The following ROCK2 variants were observed in gnomAD, a reference collection of about 807,000 sequenced individuals.
ROCK2 encodes the protein rho-associated protein kinase 2.
A neutral mutation model predicts 195.1 loss-of-function variants in ROCK2; 61 were observed. The observed-to-expected ratio is 0.31, with a 90% CI of 0.25 to 0.39. ROCK2 has a LOEUF of 0.39. Among genes scored for constraint, ROCK2 ranks in the 10% least tolerant of loss-of-function variants. The pLI, the probability that ROCK2 is intolerant of heterozygous loss-of-function variation, is 1.00. For synonymous variants in ROCK2, 504 were observed against 545.5 expected, an observed-to-expected ratio of 0.92 and a Z score of 1.06; for missense variants, 1,109 against 1,637.4, an observed-to-expected ratio of 0.68 and a Z score of 5.57.
intron 1 of ROCK2, among the ~76,000 whole-genome samples, chr2:11,339,204 ATTTAC>A (rs1323959305): frequency 1.3e-5 from 2 of 152,224 alleles, no homozygotes; most frequent in Non-Finnish European, 2.9e-5. Context: ...AATATCTCCA[ATTTAC>A]TTTAAGTGAA....
upstream of ROCK2, among the ~76,000 whole-genome samples, chr2:11,345,318 G>A (rs955227041): frequency 6.6e-6 from 1 of 152,182 alleles, no homozygotes; most frequent in African/African-American, 2.4e-5. Flanking sequence ...CTTTCCAGCC[G>A]CAGGCCTTCG....
At chr2:11,304,121 G>A (rs542828919) in intron 1 of ROCK2, among the ~76,000 whole-genome samples, 7 of 152,098 alleles carry the variant, frequency 4.6e-5, no homozygotes, top group South Asian at 2.1e-4. Context: ...CTTGTCTTGC[G>A]TCTTTAAATA....
chr2:11,241,844 G>A (rs562041184), intron 4 of ROCK2, among the ~76,000 whole-genome samples: 59 of 152,244 alleles, frequency 3.9e-4, no homozygotes, highest in African/African-American at 1.4e-3. Context: ...GTATAACACC[G>A]TCATCCTAAG....
intron 1 of ROCK2, among the ~76,000 whole-genome samples, chr2:11,332,458 C>T (rs905554989): frequency 7.9e-5 from 12 of 152,078 alleles, no homozygotes; most frequent in African/African-American, 2.4e-4. Flanking sequence ...TATAATGATC[C>T]AAATTAGGCC....
chr2:11,285,764 C>G (rs944232053), intron 3 of ROCK2, among the ~76,000 whole-genome samples: 1 of 151,984 alleles, frequency 6.6e-6, no homozygotes, highest in East Asian at 1.9e-4. Context: ...GAAGTCAAGA[C>G]TGCAGTGAGC....
intron 1 of ROCK2, among the ~76,000 whole-genome samples, chr2:11,331,100 A>C (rs1432499586): frequency 6.6e-6 from 1 of 152,090 alleles, no homozygotes; most frequent in Non-Finnish European, 1.5e-5. Flanking sequence ...TTTGCTACTC[A>C]AGAAAAAAGA....
intron 3 of ROCK2, 21 bp downstream of exon 3, chr2:11,286,518 A>T: frequency 6.9e-7 from 1 of 1,447,124 alleles, no homozygotes; most frequent in Non-Finnish European, 9.7e-7. Context: ...AGAGAACAAT[A>T]AGAACAAAAC....
chr2:11,313,432 CTT>C (rs1185898561), intron 1 of ROCK2, among the ~76,000 whole-genome samples: 1 of 151,902 alleles, frequency 6.6e-6, no homozygotes, highest in Non-Finnish European at 1.5e-5. Context: ...AAAATTATCT[CTT>C]ATTGATGTTT....
chr2:11,213,756 C>T (rs1191895859), intron 17 of ROCK2, among the ~76,000 whole-genome samples: 3 of 151,858 alleles, frequency 2.0e-5, no homozygotes, highest in Non-Finnish European at 2.9e-5. Flanking sequence ...CCCATACACC[C>T]AATACATATA....
chr2:11,336,738 A>G (rs947808343), intron 1 of ROCK2, among the ~76,000 whole-genome samples: 3 of 152,148 alleles, frequency 2.0e-5, no homozygotes, highest in Non-Finnish European at 2.9e-5. Context: ...GATAGTCTGG[A>G]TAACTGGATA....
chr2:11,291,325 G>A (rs1391132440), intron 1 of ROCK2, among the ~76,000 whole-genome samples: 4 of 152,194 alleles, frequency 2.6e-5, no homozygotes, highest in African/African-American at 9.7e-5. Flanking sequence ...CGAGGCGGGC[G>A]CATCGCCTGA....
At chr2:11,263,693 C>T (rs775276184) in intron 3 of ROCK2, among the ~76,000 whole-genome samples, 37 of 148,344 alleles carry the variant, frequency 2.5e-4, no homozygotes, top group Non-Finnish European at 4.3e-4. Flanking sequence ...AAAGAGCATG[C>T]TCTGAAATGA....
Position 11,344,151 on chromosome 2 carries a change from A to G in ROCK2, c.-15T>C, listed in dbSNP as rs1388076266. The G allele has an allele frequency of 1.4e-6, 2 of 1,412,818 alleles. No homozygotes were observed. The highest frequency in any genetic ancestry group is 6.0e-5 in the East Asian group (2 of 33,354). 87.5% of individuals were successfully genotyped at this position (1,412,818 alleles called of 1,614,324 possible). On this transcript the variant is annotated 5_prime_UTR_variant, in exon 1 of 33. Coordinates refer to ENST00000315872, the MANE Select transcript of ROCK2 (RefSeq NM_004850.5). This position sits in a 1 kb window ranked among gnomAD's most constrained non-coding sequence, Gnocchi z 5.4. ...GGCCGGCTCATGCCGCCACCGCTGGACCCGCACTCAGGCTCCTCGCGCTCA... is the reference window on the plus strand; with the variant it reads ...GGCCGGCTCATGCCGCCACCGCTGGGCCCGCACTCAGGCTCCTCGCGCTCA...
intron 6 of ROCK2, among the ~76,000 whole-genome samples, chr2:11,224,720 GTTTTTTTTTTTTTTAA>G (rs1480862484): frequency 7.0e-6 from 1 of 141,892 alleles, no homozygotes; most frequent in Non-Finnish European, 1.6e-5. Context: ...AATTTGTTGA[GTTTTTTTTTTTTTTAA>G]TTTAAGAGAG....
intron 3 of ROCK2, 28 bp downstream of exon 3, chr2:11,286,511 G>A: frequency 2.9e-6 from 4 of 1,363,722 alleles, no homozygotes; most frequent in Non-Finnish European, 4.2e-6. Context: ...ATGTCATAGA[G>A]AACAATAAGA....
chr2:11,285,781 T>C (rs898466375), intron 3 of ROCK2, among the ~76,000 whole-genome samples: 1 of 151,936 alleles, frequency 6.6e-6, no homozygotes, highest in African/African-American at 2.4e-5. Context: ...GAGCCAAGAT[T>C]GTGCCACTGC....
chr2:11,202,453 A>G (rs1012405798), intron 20 of ROCK2, among the ~76,000 whole-genome samples: 2 of 151,516 alleles, frequency 1.3e-5, no homozygotes, highest in Non-Finnish European at 2.9e-5. Context: ...ACAAACGTAA[A>G]CAAAAACTCA....
At chr2:11,320,494 G>A (rs1378242129) in intron 1 of ROCK2, among the ~76,000 whole-genome samples, 1 of 145,464 alleles carries the variant, frequency 6.9e-6, no homozygotes, top group Non-Finnish European at 1.5e-5. Context: ...GATAGCAACA[G>A]CAAACATTTT....
At chr2:11,330,744 G>GGAA (rs1668696337) in intron 1 of ROCK2, among the ~76,000 whole-genome samples, 3 of 113,422 alleles carry the variant, frequency 2.6e-5, no homozygotes, top group Non-Finnish European at 5.9e-5. Flanking sequence ...TGAGGAGGGA[G>GGAA]GAGGGAGGAG....
Sources: gnomAD v4.1 joint callset for allele counts (sites outside exome capture counted in the v4.1 genomes callset) on GRCh38, gnomAD v4.1.1 for gene constraint, Gnocchi (gnomAD v3.1) non-coding constraint, MANE v1.5 for transcripts, NCBI Gene and HGNC (gene_info 2026-07-23, HGNC 2026-07-21) for gene names.